Variants in CDK10 observed in about 807,000 individuals in gnomAD.
CDK10 encodes the protein cyclin-dependent kinase 10.
A neutral mutation model predicts 51.0 loss-of-function variants in CDK10; 55 were observed. That is an observed-to-expected ratio of 1.08 (90% CI 0.87 to 1.35). CDK10 has a LOEUF of 1.35. CDK10 is among the 40% of genes most tolerant of loss of function. The pLI is 0.00. For synonymous variants in CDK10, 255 were observed against 199.1 expected, an observed-to-expected ratio of 1.28 and a Z score of -2.36; for missense variants, 589 against 485.1, an observed-to-expected ratio of 1.21 and a Z score of -2.01.
chr16:89,693,827 A>G (rs1445248871), intron 8 of CDK10: 1 of 544,030 alleles, frequency 1.8e-6, no homozygotes, highest in Non-Finnish European at 3.3e-6. Flanking sequence ...TTAACCAAAC[A>G]GGGTCATGCT....
rs957337968 is a variant in CDK10, at chr16:89,686,934, G to T, written c.87+137G>T. On this transcript the variant is annotated intron_variant, in intron 1 of 12. Transcript: ENST00000353379. ...GAACGACAGTCCCAGAGTTCCCCGC[G>T]GCGGGGGCGGAAGCCGGGGCGGGGC... 8.6e-6 allele frequency: 6 copies of T among 699,524 alleles called. No individual in the cohort carries two copies. In the Admixed American group the frequency reaches 1.1e-4, roughly 13 times the overall value. The allele number at this position is 699,524 out of a possible 1,614,324, so 43.3% of individuals were successfully genotyped here.
chr16:89,692,838 A>T (rs1447511961), intron 6 of CDK10, among the ~76,000 whole-genome samples: 7 of 152,214 alleles, frequency 4.6e-5, no homozygotes, highest in African/African-American at 1.7e-4. Context: ...AATGAAAAAA[A>T]AAATAATAAA....
chr16:89,690,338 G>C, intron 2 of CDK10: 1 of 581,970 alleles, frequency 1.7e-6, no homozygotes, highest in Non-Finnish European at 3.1e-6. Flanking sequence ...AGCAAAGTTG[G>C]GCACCCCCTG....
Position 89,691,431 on chromosome 16 carries a change from C to T in CDK10, c.233-12C>T. 3 of 1,592,392 alleles carry T rather than the reference C, an allele frequency of 1.9e-6. No homozygotes were observed. Among genetic ancestry groups the T allele is most frequent in the Non-Finnish European group, 2.6e-6 (3 of 1,167,382 alleles). Reference sequence around the variant, plus strand: ...CTGGGGTGGGGCTCGCTGAGGCCACCTCCCTCCCCAGGCATCCCCATCAGC... The same window carrying T: ...CTGGGGTGGGGCTCGCTGAGGCCACTTCCCTCCCCAGGCATCCCCATCAGC... On this transcript the variant is annotated splice_polypyrimidine_tract_variant and intron_variant, in intron 3 of 12. Coordinates refer to ENST00000353379, the MANE Select transcript of CDK10 (RefSeq NM_052988.5).
At chr16:89,694,859 GCCCACGCCC>G (rs1275870263) in intron 10 of CDK10, 63 bp from the exon 11 acceptor site, 1 of 1,545,020 alleles carries the variant, frequency 6.5e-7, no homozygotes, top group Non-Finnish European at 8.7e-7. Context: ...CCCCGCCCGT[GCCCACGCCC>G]TCTGCGCCCG....
At chr16:89,687,918 C>T (rs1182281923) in intron 1 of CDK10, 4 of 294,248 alleles carry the variant, frequency 1.4e-5, no homozygotes, top group South Asian at 6.1e-5. Flanking sequence ...AGGAAGGAAT[C>T]AGACTGAGGA....
At chr16:89,694,904 C>T in intron 10 of CDK10, 27 bp from the exon 11 acceptor site, 2 of 1,610,620 alleles carry the variant, frequency 1.2e-6, no homozygotes, top group South Asian at 2.2e-5. Context: ...CCCACGCCCT[C>T]TGCGCCTCAG....
At chr16:89,694,817 CCGCCCGTGCCCACGCCCTCTG>C (rs1482370431) in intron 10 of CDK10, 29 bp downstream of exon 10, 82 of 1,205,458 alleles carry the variant, frequency 6.8e-5, no homozygotes, top group Non-Finnish European at 8.0e-5. Context: ...CCCGCAGCCC[CCGCCCGTGCCCACGCCCTCTG>C]CGCCCGCAGC....
At chr16:89,694,103 C>G in intron 8 of CDK10, 70 bp from the exon 9 acceptor site, 1 of 1,484,724 alleles carries the variant, frequency 6.7e-7, no homozygotes. Context: ...CTCGGGGAGG[C>G]TGTGTCCTGT....
Position 89,693,425 on chromosome 16 carries a change from G to C in CDK10, c.566G>C (p.Gly189Ala), listed in dbSNP as rs1278670532. The change falls in exon 8 of 13, where the codon GGT becomes GCT. Residue 189 changes from glycine (G) to alanine (A), a missense_variant. Gly to Ala is a moderately conservative substitution (Grantham distance 60). Coordinates refer to ENST00000353379, the MANE Select transcript of CDK10 (RefSeq NM_052988.5). ...GATTTCGGCCTGGCCCGGGCCTATG[G>C]TGTCCCAGTAAAGCCAATGACCCCC... The part of the protein sequence containing the change: ...TADFGLARAY[G>A]VPVKPMTPKV... 1.9e-6 allele frequency: 3 copies of C among 1,614,082 alleles called. No individual in the cohort carries two copies. In the African/African-American group the frequency reaches 4.0e-5, roughly 22 times the overall value.
chr16:89,691,802 C>G lies in CDK10; in HGVS notation c.336-4C>G. ...GAGTGGCATGCATCTTCTGTTTCTTCCAGCATCTTCCTGGTGATGGGTTAC... is the reference window on the plus strand; with the variant it reads ...GAGTGGCATGCATCTTCTGTTTCTTGCAGCATCTTCCTGGTGATGGGTTAC... On this transcript the variant is annotated splice_region_variant and splice_polypyrimidine_tract_variant and intron_variant, in intron 4 of 12. Coordinates refer to ENST00000353379, the MANE Select transcript of CDK10 (RefSeq NM_052988.5). 1.2e-6 allele frequency: 2 copies of G among 1,613,818 alleles called. No homozygotes were observed. Among genetic ancestry groups the G allele is most frequent in the Non-Finnish European group, 1.7e-6 (2 of 1,179,760 alleles).
intron 9 of CDK10, 200 bp downstream of exon 9, chr16:89,694,432 G>A (rs141413508): frequency 1.2e-4 from 103 of 854,470 alleles, no homozygotes; most frequent in Non-Finnish European, 1.7e-4. Context: ...TCTCAGGCTG[G>A]GAGCACAGAG....
At chr16:89,688,077 CTTTTTTT>C (rs35911494) in intron 1 of CDK10, among the ~76,000 whole-genome samples, 5 of 75,420 alleles carry the variant, frequency 6.6e-5, no homozygotes, top group African/African-American at 2.6e-4. Flanking sequence ...GCTACGTGTG[CTTTTTTT>C]TTTTTTTTTT....
At chr16:89,692,922 G>C (rs984166036) in intron 6 of CDK10, among the ~76,000 whole-genome samples, 1 of 152,070 alleles carries the variant, frequency 6.6e-6, no homozygotes, top group African/African-American at 2.4e-5. Flanking sequence ...CGGATCACGA[G>C]GTCAGGAGAT....
At chr16:89,695,564 C>T (rs1302576607) in intron 12 of CDK10, 31 bp from the exon 13 acceptor site, 4 of 1,581,822 alleles carry the variant, frequency 2.5e-6, no homozygotes, top group Non-Finnish European at 3.4e-6. Context: ...GGGGCCCTGC[C>T]CCGCCCAGCA....
At chr16:89,692,227 TGGGCTGCTGGGAGAGTGCAGCCCCGG>T in intron 5 of CDK10, 196 bp from the exon 6 acceptor site, 1 of 537,930 alleles carries the variant, frequency 1.9e-6, no homozygotes, top group Non-Finnish European at 3.3e-6. Context: ...ACTGGTTTTC[TGGGCTGCTGGGAGAGTGCAGCCCCGG>T]GGCCAAGAGC....
chr16:89,693,409 C>G lies in CDK10; in HGVS notation c.550C>G (p.Leu184Val). Residue 184 changes from leucine to valine, a missense_variant, in exon 8 of 13, where the codon CTG (leucine) becomes GTG (valine). Leu to Val is a conservative substitution (Grantham distance 32). Coordinates refer to ENST00000353379, the MANE Select transcript of CDK10 (RefSeq NM_052988.5). ...KGCVKTADFG[L>V]ARAYGVPVKP... ...CCTCTCTGCTGCAGCGGATTTCGGCCTGGCCCGGGCCTATGGTGTCCCAGT... is the reference window on the plus strand; with the variant it reads ...CCTCTCTGCTGCAGCGGATTTCGGCGTGGCCCGGGCCTATGGTGTCCCAGT... 1 of 1,614,178 alleles carries G rather than the reference C, an allele frequency of 6.2e-7. No homozygotes were observed. The highest frequency in any genetic ancestry group is 8.5e-7 in the Non-Finnish European group (1 of 1,180,036).
At chr16:89,694,444 T>C (rs541953174) in intron 9 of CDK10, 4 of 876,632 alleles carry the variant, frequency 4.6e-6, no homozygotes, top group African/African-American at 1.7e-5. Context: ...AGCACAGAGG[T>C]CTGGAGGAGG....
chr16:89,694,457 C>T (rs1026405286), intron 9 of CDK10: 28 of 918,088 alleles, frequency 3.0e-5, no homozygotes, highest in South Asian at 4.7e-5. Context: ...GGAGGAGGCA[C>T]GCCTGCCCCT....
Sources: gnomAD v4.1 joint callset for allele counts (sites outside exome capture counted in the v4.1 genomes callset) on GRCh38, gnomAD v4.1.1 for gene constraint, MANE v1.5 for transcripts, NCBI Gene and HGNC (gene_info 2026-07-23, HGNC 2026-07-21) for gene names.